ARPP21: variants seen among roughly 807,000 people sequenced by gnomAD.
ARPP21 encodes the protein cAMP regulated phosphoprotein 21.
A neutral mutation model predicts 113.2 loss-of-function variants in ARPP21; 69 were observed. The ratio of observed to expected loss-of-function variants is 0.61; its 90% CI spans 0.50 to 0.74. The LOEUF (loss-of-function observed/expected upper bound fraction) is 0.74. ARPP21 is among the 30% of genes least tolerant of loss of function. The pLI is 0.00. For missense variants in ARPP21, 1,070 were observed against 1,037.4 expected, an observed-to-expected ratio of 1.03 and a Z score of -0.43; for synonymous variants, 368 against 375.5, an observed-to-expected ratio of 0.98 and a Z score of 0.23.
intron 11 of ARPP21, among the ~76,000 whole-genome samples, chr3:35,713,271 C>G (rs970044988): frequency 4.0e-5 from 6 of 151,868 alleles, no homozygotes; most frequent in Non-Finnish European, 5.9e-5. Flanking sequence ...TTTTCATCAG[C>G]TAGTGAATCA....
intron 11 of ARPP21, 112 bp downstream of exon 11, chr3:35,709,182 C>A (rs911933786): frequency 2.8e-6 from 2 of 722,372 alleles, no homozygotes; most frequent in Non-Finnish European, 4.6e-6. Flanking sequence ...AGCCAGAGAA[C>A]AAATCAAACT....
chr3:35,705,593 C>G (rs2088585794), intron 9 of ARPP21, among the ~76,000 whole-genome samples: 1 of 152,124 alleles, frequency 6.6e-6, no homozygotes, highest in South Asian at 2.1e-4. Context: ...AAAACTGAGT[C>G]TCTGAAAGGA....
chr3:35,721,172 AAG>A (rs983187133), intron 13 of ARPP21, among the ~76,000 whole-genome samples: 9 of 152,306 alleles, frequency 5.9e-5, no homozygotes, highest in Middle Eastern at 3.4e-3. Flanking sequence ...TTTTGTGCTA[AAG>A]AGAGAGAAAA....
At chr3:35,705,492 C>G (rs983801035) in intron 9 of ARPP21, among the ~76,000 whole-genome samples, 2 of 152,126 alleles carry the variant, frequency 1.3e-5, no homozygotes, top group African/African-American at 4.8e-5. Flanking sequence ...AAAACATTTA[C>G]ATTGAAAAGT....
At position 35,794,307 on chromosome 3, in the gene ARPP21, A is replaced by G. The variant is rs992637804; in HGVS notation, c.*349A>G. The G allele has an allele frequency of 3.9e-6, 1 of 257,422 alleles. No homozygotes were observed. The highest frequency in any genetic ancestry group is 1.3e-3 in the Middle Eastern group (1 of 754). 15.9% of individuals were successfully genotyped at this position (257,422 alleles called of 1,614,324 possible). ...GTGATGCTAAAAGTATTTAAAAATT[A>G]TATACTAAATCACATTGTACCAAAG... On this transcript the variant is annotated 3_prime_UTR_variant, in exon 21 of 21. Transcript: ENST00000684406.
chr3:35,671,363 A>G (rs956905163), intron 1 of ARPP21, among the ~76,000 whole-genome samples: 5 of 152,186 alleles, frequency 3.3e-5, no homozygotes, highest in Non-Finnish European at 7.3e-5. Flanking sequence ...ATTATTTTAT[A>G]TTTCAAGTTG....
At chr3:35,669,237 C>A (rs2075725984) in intron 1 of ARPP21, among the ~76,000 whole-genome samples, 1 of 151,836 alleles carries the variant, frequency 6.6e-6, no homozygotes. Flanking sequence ...AATATTAGGC[C>A]TTAGACTTTA....
chr3:35,733,623 T>A (rs67723420), intron 15 of ARPP21, among the ~76,000 whole-genome samples: 46,849 of 152,130 alleles, frequency 0.31, 9,091 homozygotes, highest in East Asian at 0.71. Context: ...TTGGTAGAAA[T>A]CATGGAATAT....
At chr3:35,686,280 A>G (rs1455472513) in intron 5 of ARPP21, among the ~76,000 whole-genome samples, 1 of 151,726 alleles carries the variant, frequency 6.6e-6, no homozygotes, top group Non-Finnish European at 1.5e-5. Flanking sequence ...GAACCTTTGC[A>G]TATTAAGACA....
intron 5 of ARPP21, chr3:35,684,440 T>C: frequency 3.1e-6 from 3 of 978,506 alleles, no homozygotes; most frequent in Non-Finnish European, 3.6e-6. Context: ...TAGTAGGTTA[T>C]AAAAATTTAA....
chr3:35,705,058 A>C (rs2088231261), intron 9 of ARPP21, among the ~76,000 whole-genome samples: 1 of 152,150 alleles, frequency 6.6e-6, no homozygotes, highest in African/African-American at 2.4e-5. Context: ...CTGTAAATTT[A>C]GAAGTTAGTA....
intron 1 of ARPP21, among the ~76,000 whole-genome samples, chr3:35,664,102 C>T (rs1264433007): frequency 6.6e-6 from 1 of 152,122 alleles, no homozygotes; most frequent in Non-Finnish European, 1.5e-5. Context: ...ATATCTAAAG[C>T]AATGTTTGAA....
In ARPP21 at chr3:35,784,826, G is replaced by T. The variant is rs1219799728; in HGVS notation, c.2138-7556G>T. The T allele has an allele frequency of 2.0e-5, 3 of 151,994 alleles. 1 individual carries two copies. The Middle Eastern group carries it at 9.5e-3, about 481-fold the overall frequency. 9.4% of individuals were successfully genotyped at this position (151,994 alleles called of 1,614,324 possible). ...GGGCACTTTTAATTTATCATCAGTTGCTTATGAAATAATTTCTTTTTTTTT... is the reference window on the plus strand; with the variant it reads ...GGGCACTTTTAATTTATCATCAGTTTCTTATGAAATAATTTCTTTTTTTTT... On this transcript the variant is annotated intron_variant, in intron 19 of 20. Transcript: ENST00000684406.
chr3:35,720,650 A>G (rs2092962127), intron 13 of ARPP21, among the ~76,000 whole-genome samples: 1 of 152,210 alleles, frequency 6.6e-6, no homozygotes, highest in African/African-American at 2.4e-5. Flanking sequence ...TCTTCAGAAA[A>G]AGCTTTGAAT....
At chr3:35,670,623 A>G (rs1334588000) in intron 1 of ARPP21, among the ~76,000 whole-genome samples, 2 of 152,082 alleles carry the variant, frequency 1.3e-5, no homozygotes, top group African/African-American at 2.4e-5. Context: ...CAGCATTGCC[A>G]CAGATGGACC....
At chr3:35,737,572 C>A (rs1308214429) in intron 16 of ARPP21, among the ~76,000 whole-genome samples, 1 of 152,230 alleles carries the variant, frequency 6.6e-6, no homozygotes. Context: ...CAGTAACTTG[C>A]AAGTTGAAGG....
At chr3:35,684,722 T>C (rs2080034514) in intron 5 of ARPP21, 1 of 984,152 alleles carries the variant, frequency 1.0e-6, no homozygotes, top group Non-Finnish European at 1.2e-6. Flanking sequence ...ATTCCCCTCA[T>C]GGAAACAGAG....
chr3:35,716,740 T>A (rs139555363), intron 12 of ARPP21, among the ~76,000 whole-genome samples: 330 of 152,092 alleles, frequency 2.2e-3, no homozygotes, highest in African/African-American at 7.7e-3. Flanking sequence ...TTTCCCTATC[T>A]TCCTCCCTAA....
chr3:35,662,357 T>C (rs939062493), intron 1 of ARPP21, among the ~76,000 whole-genome samples: 4 of 152,214 alleles, frequency 2.6e-5, no homozygotes, highest in African/African-American at 9.6e-5. Flanking sequence ...ACCTGGGTTT[T>C]ATCACTACTG....
Sources: gnomAD v4.1 joint callset for allele counts (sites outside exome capture counted in the v4.1 genomes callset) on GRCh38, gnomAD v4.1.1 for gene constraint, MANE v1.5 for transcripts, NCBI Gene and HGNC (gene_info 2026-07-23, HGNC 2026-07-21) for gene names.